CACNA1D: variants seen among roughly 807,000 people sequenced by gnomAD.
CACNA1D encodes voltage-dependent L-type calcium channel subunit alpha-1D.
In CACNA1D, 55 loss-of-function variants were observed where a neutral mutation model predicts 257.1. The observed-to-expected ratio is 0.21, with a 90% CI of 0.17 to 0.27. The LOEUF (loss-of-function observed/expected upper bound fraction) is 0.27. CACNA1D is among the 10% of genes least tolerant of loss of function. CACNA1D has a pLI of 1.00. For synonymous variants in CACNA1D, 980 were observed against 1,014.9 expected (o/e 0.97, Z 0.65); for missense variants, 1,876 against 2,784.0 (o/e 0.67, Z 7.34).
chr3:53,644,784 C>T (rs1202468549), intron 3 of CACNA1D, among the ~76,000 whole-genome samples: 20 of 152,138 alleles, frequency 1.3e-4, no homozygotes, highest in Admixed American at 1.2e-3. Context: ...AGAACATGGG[C>T]GTGGCAGACA....
chr3:53,599,489 TA>T (rs1230123507), intron 3 of CACNA1D, among the ~76,000 whole-genome samples: 1 of 151,728 alleles, frequency 6.6e-6, no homozygotes, highest in Non-Finnish European at 1.5e-5. Flanking sequence ...ATCTTGACAT[TA>T]AAAAAAACAA....
rs375393334 is a variant in CACNA1D at position 53,508,850 on chromosome 3, A to T, written c.483+7130A>T. Among the ~76,000 whole-genome samples the T allele has an allele frequency of 1.1e-3, 171 of 152,310 alleles. 2 individuals carry two copies. The highest frequency in any genetic ancestry group is 3.9e-3 in the African/African-American group (164 of 41,572). ...CTCACCAAAGAAAGTTCCTAAAGGA[A>T]TGGAAGAGGTTCTAGAATTCTGGAG... On this transcript the variant is annotated intron_variant, in intron 3 of 47. Transcript: ENST00000350061.
At chr3:53,505,983 GTA>G (rs1449591582) in intron 3 of CACNA1D, among the ~76,000 whole-genome samples, 1 of 152,192 alleles carries the variant, frequency 6.6e-6, no homozygotes, top group Non-Finnish European at 1.5e-5. Context: ...CAAGTCCGTT[GTA>G]TCTGCATGGT....
chr3:53,541,035 C>T lies in CACNA1D; in HGVS notation c.483+39315C>T, dbSNP rs2092284063. ...GAGATTGCAGGCGTGAGCCACTGTG[C>T]GCGGCCGGCATGGTATTTCATTGAC... is the stretch of plus-strand genomic sequence containing the variant. On this transcript the variant is annotated intron_variant, in intron 3 of 47. Coordinates refer to ENST00000350061, the MANE Select transcript of CACNA1D (RefSeq NM_001128840.3). 2.0e-5 allele frequency among the ~76,000 whole-genome samples: 3 copies of T among 152,272 alleles called. No homozygotes were observed. In the South Asian group the frequency reaches 6.2e-4, roughly 32 times the overall value.
chr3:53,774,576 TCTC>T lies in CACNA1D; in HGVS notation c.4111-9_4111-7del, dbSNP rs748344404. ...ATCTATTCTCTTTTTCCTGACAACT[TCTC>T]CACCTAGATGTTTGGGAAAGTTGCC... On this transcript the variant is annotated splice_polypyrimidine_tract_variant and splice_region_variant and intron_variant, in intron 33 of 47. Coordinates refer to ENST00000350061, the MANE Select transcript of CACNA1D (RefSeq NM_001128840.3). The surrounding 1 kb of genome is among the most constrained non-coding windows in gnomAD (Gnocchi z 4.3). 4.6e-6 allele frequency: 7 copies of T among 1,521,430 alleles called. No individual in the cohort carries two copies. In the African/African-American group the frequency reaches 6.8e-5, roughly 15 times the overall value. 94.2% of individuals were successfully genotyped at this position (1,521,430 alleles called of 1,614,324 possible).
chr3:53,609,459 A>G (rs1027785084), intron 3 of CACNA1D, among the ~76,000 whole-genome samples: 4 of 151,258 alleles, frequency 2.6e-5, no homozygotes, highest in Non-Finnish European at 5.9e-5. Flanking sequence ...TAGATATAGG[A>G]CTACTCAGAT....
In CACNA1D at chr3:53,723,753, A is replaced by G. The variant is rs553243645; in HGVS notation, c.1893-39A>G. On this transcript the variant is annotated intron_variant, in intron 13 of 47. Coordinates refer to ENST00000350061, the MANE Select transcript of CACNA1D (RefSeq NM_001128840.3). The surrounding 1 kb of genome is among the most constrained non-coding windows in gnomAD (Gnocchi z 5.6). ...CAGGTGATGTTCTGCTCTGTCCTGC[A>G]TGGGTGTTCTGAGCTGACACCCTCA... 7 of 1,586,752 alleles carry G rather than the reference A, an allele frequency of 4.4e-6. No homozygotes were observed. The South Asian group carries it at 5.5e-5, about 13-fold the overall frequency.
chr3:53,560,754 A>AT (rs1176334252), intron 3 of CACNA1D, among the ~76,000 whole-genome samples: 2 of 152,158 alleles, frequency 1.3e-5, no homozygotes, highest in African/African-American at 4.8e-5. Context: ...ATGAATTATT[A>AT]TTTTTTTGAT....
At chr3:53,753,014 CTT>C (rs949239854) in intron 28 of CACNA1D, among the ~76,000 whole-genome samples, 1 of 152,218 alleles carries the variant, frequency 6.6e-6, no homozygotes, top group Non-Finnish European at 1.5e-5. Context: ...TTTGCACTGA[CTT>C]TAAGAACTCC....
intron 3 of CACNA1D, among the ~76,000 whole-genome samples, chr3:53,548,001 G>A (rs1225379816): frequency 6.6e-6 from 1 of 152,184 alleles, no homozygotes; most frequent in Non-Finnish European, 1.5e-5. Context: ...AGGCCAGGGA[G>A]GATTATCCCA....
Position 53,774,723 on chromosome 3 carries a change from G to T in CACNA1D, c.4202+45G>T. The T allele has an allele frequency of 9.0e-7, 1 of 1,113,906 alleles. No individual in the cohort carries two copies. Among genetic ancestry groups the T allele is most frequent in the Non-Finnish European group, 1.4e-6 (1 of 723,390 alleles). 69.0% of individuals were successfully genotyped at this position (1,113,906 alleles called of 1,614,324 possible). A position where few individuals can be genotyped will look rare whatever the true frequency, so the allele number is the denominator to read the frequency against. On this transcript the variant is annotated intron_variant, in intron 34 of 47. Coordinates refer to ENST00000350061, the MANE Select transcript of CACNA1D (RefSeq NM_001128840.3). This position sits in a 1 kb window ranked among gnomAD's most constrained non-coding sequence, Gnocchi z 4.3. ...GCGGTGCTCCTGGGCAGGGGGGTCC[G>T]CTAGGCGTGGGTCCAGAGGGACGGA... is the stretch of plus-strand genomic sequence containing the variant.
At chr3:53,719,586 A>G (rs2094859592) in intron 10 of CACNA1D, among the ~76,000 whole-genome samples, 169 bp from the exon 11 acceptor site, 1 of 152,166 alleles carries the variant, frequency 6.6e-6, no homozygotes, top group African/African-American at 2.4e-5. Context: ...TGGCCCTGGC[A>G]GCATCCTAAT....
intron 3 of CACNA1D, among the ~76,000 whole-genome samples, chr3:53,605,397 C>T (rs2093496504): frequency 6.6e-6 from 1 of 152,118 alleles, no homozygotes; most frequent in South Asian, 2.1e-4. Flanking sequence ...TGTAGTTGTT[C>T]AGAGAAAGAA....
Position 53,731,525 on chromosome 3 carries a change from G to A in CACNA1D, c.2406+379G>A, listed in dbSNP as rs78905892. ...GTTTCCAGAGGTAATCCCAGGATCA[G>A]GTGGCCTCAGGGCTATACTGTAAAA... On this transcript the variant is annotated intron_variant, in intron 17 of 47. Coordinates refer to ENST00000350061, the MANE Select transcript of CACNA1D (RefSeq NM_001128840.3). 3.7e-3 allele frequency among the ~76,000 whole-genome samples: 557 copies of A among 152,320 alleles called. 4 individuals are homozygous for A. The highest frequency in any genetic ancestry group is 0.013 in the African/African-American group (534 of 41,580).
chr3:53,781,920 G>A, intron 39 of CACNA1D: 1 of 491,342 alleles, frequency 2.0e-6, no homozygotes, highest in Non-Finnish European at 3.6e-6. Flanking sequence ...TTTCTTTTTG[G>A]TGGAGGAATT....
At chr3:53,687,162 C>T (rs1301181369) in intron 8 of CACNA1D, among the ~76,000 whole-genome samples, 1 of 151,976 alleles carries the variant, frequency 6.6e-6, no homozygotes, top group Non-Finnish European at 1.5e-5. Flanking sequence ...ATATACCATG[C>T]CCATGGATTG....
At chr3:53,748,029 T>G (rs528507660) in intron 26 of CACNA1D, among the ~76,000 whole-genome samples, 1 of 152,316 alleles carries the variant, frequency 6.6e-6, no homozygotes, top group East Asian at 1.9e-4. Context: ...CTAAACATGC[T>G]TCCTCTCCTC....
chr3:53,549,904 A>G (rs1466599286), intron 3 of CACNA1D, among the ~76,000 whole-genome samples: 2 of 152,156 alleles, frequency 1.3e-5, no homozygotes, highest in East Asian at 3.9e-4. Flanking sequence ...TAGAGAGTGT[A>G]GGGGAAAGAT....
At position 53,673,233 on chromosome 3, in the gene CACNA1D, A is replaced by G. The variant is rs573249026; in HGVS notation, c.1220+107A>G. ...GCCAAGAGGGGTTGCCAGACATTTT[A>G]TGTGTCCTCTGAGATGCTTTCTTTT... On this transcript the variant is annotated intron_variant, in intron 8 of 47. Coordinates refer to ENST00000350061, the MANE Select transcript of CACNA1D (RefSeq NM_001128840.3). The surrounding 1 kb of genome is among the most constrained non-coding windows in gnomAD (Gnocchi z 4.1). 6 of 720,302 alleles carry G rather than the reference A, an allele frequency of 8.3e-6. No individual in the cohort carries two copies. In the African/African-American group the frequency reaches 1.1e-4, roughly 13 times the overall value. 44.6% of individuals were successfully genotyped at this position (720,302 alleles called of 1,614,324 possible).
Sources: allele counts gnomAD v4.1 joint callset (sites outside exome capture counted in the v4.1 genomes callset), GRCh38; gene constraint gnomAD v4.1.1; non-coding constraint Gnocchi (gnomAD v3.1); transcripts MANE v1.5; gene names NCBI Gene and HGNC (gene_info 2026-07-23, HGNC 2026-07-21).